CSMD1: variants seen among roughly 807,000 people sequenced by gnomAD.
CSMD1 encodes CUB and Sushi multiple domains 1.
A neutral mutation model predicts 417.5 loss-of-function variants in CSMD1; 213 were observed. That is an observed-to-expected ratio of 0.51 (90% CI 0.46 to 0.57). The LOEUF is 0.57. CSMD1 is among the 20% of genes least tolerant of loss of function. The pLI, the probability that CSMD1 is intolerant of heterozygous loss-of-function variation, is 0.00. For missense variants in CSMD1, 6,923 were observed against 4,529.7 expected (o/e 1.53, Z -15.17); for synonymous variants, 2,862 against 1,736.8 (o/e 1.65, Z -16.11).
At chr8:3,111,555 G>T (rs1316172050) in intron 42 of CSMD1, among the ~76,000 whole-genome samples, 1 of 152,106 alleles carries the variant, frequency 6.6e-6, no homozygotes, top group African/African-American at 2.4e-5. Flanking sequence ...CCATAGGCTG[G>T]GCACGGTGGC....
chr8:4,537,823 C>T (rs567223191), intron 2 of CSMD1, among the ~76,000 whole-genome samples: 9 of 152,256 alleles, frequency 5.9e-5, no homozygotes, highest in East Asian at 5.8e-4. Context: ...AACAGAGCTG[C>T]GTAAGATCCA....
intron 9 of CSMD1, among the ~76,000 whole-genome samples, chr8:3,580,109 G>T (rs532766224): frequency 1.3e-5 from 2 of 151,726 alleles, no homozygotes; most frequent in Non-Finnish European, 2.9e-5. Flanking sequence ...GTCTCAAAAA[G>T]AAAAGAAAAT....
chr8:3,720,654 C>CACACACACA (rs1166821267), intron 6 of CSMD1, among the ~76,000 whole-genome samples: 36 of 152,064 alleles, frequency 2.4e-4, no homozygotes, highest in Admixed American at 4.6e-4. Context: ...CACACACACA[C>CACACACACA]ACCAGCACAT....
intron 1 of CSMD1, among the ~76,000 whole-genome samples, chr8:4,671,654 G>A (rs1207307223): frequency 6.6e-6 from 1 of 152,124 alleles, no homozygotes; most frequent in Non-Finnish European, 1.5e-5. Flanking sequence ...GTTTTAAAAT[G>A]GAACTGTTTT....
At chr8:3,197,513 T>C (rs1316134425) in intron 33 of CSMD1, among the ~76,000 whole-genome samples, 1 of 147,960 alleles carries the variant, frequency 6.8e-6, no homozygotes, top group Non-Finnish European at 1.5e-5. Flanking sequence ...TCACCCAGGC[T>C]GGAGTGCAGT....
In CSMD1 at chr8:4,277,726, T is replaced by A. The variant is rs117486063; in HGVS notation, c.415+142227A>T. On this transcript the variant is annotated intron_variant, in intron 3 of 69. Coordinates refer to ENST00000635120, the MANE Select transcript of CSMD1 (RefSeq NM_033225.6). ...CTTAAAGTGTTAACATAATTAGACCTTACCCATTCCCTAAATGTATTTTTA... is the reference window on the plus strand; with the variant it reads ...CTTAAAGTGTTAACATAATTAGACCATACCCATTCCCTAAATGTATTTTTA... Among the ~76,000 whole-genome samples the A allele has an allele frequency of 4.0e-3, 602 of 152,270 alleles. 4 individuals carry two copies. Among genetic ancestry groups the A allele is most frequent in the Admixed American group, 6.8e-3 (104 of 15,284 alleles).
intron 39 of CSMD1, among the ~76,000 whole-genome samples, chr8:3,156,986 CAAAAAAAA>C (rs869173951): frequency 1.7e-4 from 11 of 64,452 alleles, no homozygotes; most frequent in African/African-American, 5.7e-4. Flanking sequence ...GTTGTTTAGA[CAAAAAAAA>C]AAAAAAAAAA....
chr8:4,136,456 C>G (rs1026886097), intron 3 of CSMD1, among the ~76,000 whole-genome samples: 1 of 152,138 alleles, frequency 6.6e-6, no homozygotes, highest in African/African-American at 2.4e-5. Context: ...TGAAAAATGC[C>G]TCTGTGTGTT....
chr8:2,959,248 T>A (rs1323372441), intron 62 of CSMD1, among the ~76,000 whole-genome samples: 1 of 152,198 alleles, frequency 6.6e-6, no homozygotes. Flanking sequence ...TGACAACAGG[T>A]GCACCTTACC....
At chr8:3,665,120 C>T (rs1174161746) in intron 7 of CSMD1, among the ~76,000 whole-genome samples, 8 of 152,234 alleles carry the variant, frequency 5.3e-5, no homozygotes, top group Middle Eastern at 3.4e-3. Flanking sequence ...AAGAAAGTTT[C>T]AGGTGATTAG....
intron 5 of CSMD1, among the ~76,000 whole-genome samples, chr8:3,756,987 G>C (rs905218409): frequency 2.6e-5 from 4 of 152,100 alleles, no homozygotes; most frequent in African/African-American, 9.7e-5. Context: ...TTTTTGTAGA[G>C]ACTGGGGGTC....
At chr8:2,962,705 TG>T in intron 60 of CSMD1, 66 bp from the exon 61 acceptor site, 1 of 1,487,818 alleles carries the variant, frequency 6.7e-7, no homozygotes, top group East Asian at 2.3e-5. Flanking sequence ...CAATTGAGCT[TG>T]GTAACTAGTT....
chr8:4,038,206 T>C (rs1299472029), intron 3 of CSMD1, among the ~76,000 whole-genome samples: 2 of 152,134 alleles, frequency 1.3e-5, no homozygotes, highest in African/African-American at 4.8e-5. Context: ...AATTTTCTTT[T>C]TAAAAAGTTT....
At chr8:4,374,965 G>GGA (rs781095084) in intron 3 of CSMD1, among the ~76,000 whole-genome samples, 1,986 of 71,980 alleles carry the variant, frequency 0.028, 112 homozygotes, top group Middle Eastern at 0.035. Flanking sequence ...GTGGGGTGGG[G>GGA]GGGGGGGGCG....
intron 11 of CSMD1, among the ~76,000 whole-genome samples, chr8:3,469,878 G>A (rs1563069276): frequency 6.6e-6 from 1 of 152,164 alleles, no homozygotes; most frequent in South Asian, 2.1e-4. Flanking sequence ...AACTAAATAT[G>A]TATTTCTTTC....
intron 6 of CSMD1, among the ~76,000 whole-genome samples, chr8:3,742,709 G>A (rs953185902): frequency 6.6e-6 from 1 of 151,744 alleles, no homozygotes; most frequent in Admixed American, 6.6e-5. Context: ...TGAGAAGCTT[G>A]CATAGGATCA....
chr8:4,639,163 A>G (rs1803038601), intron 1 of CSMD1, among the ~76,000 whole-genome samples: 1 of 151,688 alleles, frequency 6.6e-6, no homozygotes, highest in Non-Finnish European at 1.5e-5. Flanking sequence ...GTGATTCCCT[A>G]CTTGCCTGTT....
intron 12 of CSMD1, among the ~76,000 whole-genome samples, chr8:3,431,061 A>C (rs1814190208): frequency 6.6e-6 from 1 of 152,126 alleles, no homozygotes; most frequent in Non-Finnish European, 1.5e-5. Context: ...ATTCTGGGAA[A>C]TGCAGTTTCC....
intron 3 of CSMD1, among the ~76,000 whole-genome samples, chr8:4,327,627 A>C (rs915736002): frequency 2.0e-5 from 3 of 152,170 alleles, no homozygotes; most frequent in African/African-American, 7.2e-5. Context: ...AAGCCCCCAA[A>C]AACAACAACA....
Sources: allele counts gnomAD v4.1 joint callset (sites outside exome capture counted in the v4.1 genomes callset), GRCh38; gene constraint gnomAD v4.1.1; transcripts MANE v1.5; gene names NCBI Gene and HGNC (gene_info 2026-07-23, HGNC 2026-07-21).